Variants in CCDC144A observed in about 807,000 individuals in gnomAD.
CCDC144A encodes coiled-coil domain-containing protein 144A.
A neutral mutation model predicts 143.8 loss-of-function variants in CCDC144A; 41 were observed. That is an observed-to-expected ratio of 0.29 (90% CI 0.22 to 0.37). CCDC144A has a LOEUF of 0.37. Among genes scored for constraint, CCDC144A ranks in the 10% least tolerant of loss-of-function variants. The pLI is 1.00. For synonymous variants in CCDC144A, 242 were observed against 517.9 expected, an observed-to-expected ratio of 0.47 and a Z score of 7.23; for missense variants, 637 against 1,488.8, an observed-to-expected ratio of 0.43 and a Z score of 9.41.
At chr17:16,682,916 T>TTA in the CCDC144A span, among the ~76,000 whole-genome samples, 5 of 102,650 alleles carry the variant, frequency 4.9e-5, no homozygotes, top group Non-Finnish European at 9.4e-5. Flanking sequence ...TTTTTTTTTT[T>TTA]TTTGAGACAG....
the CCDC144A span, chr17:16,683,305 T>A: frequency 1.7e-6 from 1 of 579,878 alleles, no homozygotes; most frequent in Non-Finnish European, 3.0e-6. Flanking sequence ...ACAATTTTAT[T>A]TGTCATTTAA....
intron 12 of CCDC144A, among the ~76,000 whole-genome samples, chr17:16,755,286 T>A (rs1204200361): frequency 3.9e-5 from 6 of 152,264 alleles, no homozygotes; most frequent in Admixed American, 3.3e-4. Context: ...GTTTAGTGAT[T>A]GTTTTGTCTA....
At chr17:16,677,282 C>A in the CCDC144A span, among the ~76,000 whole-genome samples, 43 of 152,058 alleles carry the variant, frequency 2.8e-4, no homozygotes. Flanking sequence ...GTTCCATGAA[C>A]AAGTTATGCG....
chr17:16,724,475 A>C (rs1913275055), intron 8 of CCDC144A, among the ~76,000 whole-genome samples: 1 of 148,060 alleles, frequency 6.8e-6, no homozygotes, highest in Non-Finnish European at 1.5e-5. Context: ...CCGCCACTGC[A>C]CTCCAGCCTG....
intron 2 of CCDC144A, among the ~76,000 whole-genome samples, chr17:16,704,798 G>C (rs1360371452): frequency 1.3e-5 from 2 of 152,194 alleles, no homozygotes; most frequent in East Asian, 3.9e-4. Flanking sequence ...ATACAATGCT[G>C]TCATGTATAT....
At chr17:16,739,517 T>C (rs1417677374) in intron 12 of CCDC144A, among the ~76,000 whole-genome samples, 9 of 151,588 alleles carry the variant, frequency 5.9e-5, no homozygotes, top group Non-Finnish European at 1.2e-4. Context: ...TTTATGGCTA[T>C]GTTTTCTTCT....
chr17:16,701,112 C>T (rs1911708448), intron 2 of CCDC144A, among the ~76,000 whole-genome samples: 1 of 152,032 alleles, frequency 6.6e-6, no homozygotes, highest in Non-Finnish European at 1.5e-5. Context: ...TAGTGATTTG[C>T]AATTTTCAAG....
intron 15 of CCDC144A, among the ~76,000 whole-genome samples, chr17:16,771,241 G>T (rs1438074171): frequency 6.6e-6 from 1 of 152,154 alleles, no homozygotes; most frequent in African/African-American, 2.4e-5. Flanking sequence ...TTTCTGAAAA[G>T]AAATCAAAGT....
At chr17:16,667,937 G>A in the CCDC144A span, among the ~76,000 whole-genome samples, 3 of 148,202 alleles carry the variant, frequency 2.0e-5, no homozygotes, top group African/African-American at 7.5e-5. Context: ...TGCATTTTTG[G>A]TATCACTTCT....
chr17:16,683,516 CTA>C, the CCDC144A span: 1 of 1,523,476 alleles, frequency 6.6e-7, no homozygotes, highest in East Asian at 2.2e-5. Flanking sequence ...TCGGGATGTT[CTA>C]TGCCGTGAGG....
intron 12 of CCDC144A, among the ~76,000 whole-genome samples, chr17:16,757,893 G>GA (rs1915173418): frequency 6.6e-6 from 1 of 152,132 alleles, no homozygotes; most frequent in Admixed American, 6.5e-5. Flanking sequence ...GGATTTGGGG[G>GA]AATCGGTCCT....
chr17:16,769,747 T>G (rs866123778), intron 15 of CCDC144A, among the ~76,000 whole-genome samples: 3,416 of 151,972 alleles, frequency 0.022, 79 homozygotes, highest in African/African-American at 0.078. Flanking sequence ...TAACTTACAA[T>G]TTGGAGAGCT....
At chr17:16,749,158 T>G (rs1345939945) in intron 12 of CCDC144A, among the ~76,000 whole-genome samples, 11 of 152,140 alleles carry the variant, frequency 7.2e-5, no homozygotes, top group African/African-American at 7.2e-5. Flanking sequence ...TTGTTCTTGT[T>G]TTTTAGTTCC....
At chr17:16,670,776 C>T in the CCDC144A span, among the ~76,000 whole-genome samples, 41 of 151,784 alleles carry the variant, frequency 2.7e-4, 2 homozygotes, top group Admixed American at 7.2e-4. Context: ...CCAAAAGGGC[C>T]GGGATTAAAA....
chr17:16,684,323 A>G, the CCDC144A span: 1 of 722,198 alleles, frequency 1.4e-6, no homozygotes, highest in Non-Finnish European at 2.5e-6. Context: ...GTTTAATGAC[A>G]TAACAATTTC....
intron 12 of CCDC144A, among the ~76,000 whole-genome samples, chr17:16,753,428 G>GTTTTTTTTTTTTTTTT: frequency 1.2e-4 from 7 of 57,364 alleles, no homozygotes; most frequent in African/African-American, 2.1e-4. Flanking sequence ...GTGTTTTGTA[G>GTTTTTTTTTTTTTTTT]TTTTTTTTTT....
chr17:16,689,414 A>T (rs902248879), upstream of CCDC144A: 15 of 152,318 alleles, frequency 9.8e-5, no homozygotes, highest in African/African-American at 3.6e-4. Context: ...GGCTGGCCTC[A>T]AACTCCTGAC....
At chr17:16,722,881 G>T (rs1913174605) in intron 8 of CCDC144A, among the ~76,000 whole-genome samples, 1 of 152,154 alleles carries the variant, frequency 6.6e-6, no homozygotes, top group Admixed American at 6.5e-5. Flanking sequence ...TGTACCAGAA[G>T]TTGTTCACTC....
rs1449664390 is a variant in CCDC144A at position 16,746,861 on chromosome 17, T to G, written c.3372+11218T>G. 2.6e-5 allele frequency: 18 copies of G among 687,746 alleles called. No individual in the cohort carries two copies. The Admixed American group carries it at 4.3e-4, about 16-fold the overall frequency. The allele number at this position is 687,746 out of a possible 1,614,324, so 42.6% of individuals were successfully genotyped here. The stretch of plus-strand genomic sequence containing the variant: ...GGGAGGCCCGGCCCCCGCCCCTCCC[T>G]CCTCTCCCTTCTCTCCCTTCTCTCC... On this transcript the variant is annotated intron_variant, in intron 12 of 16. Coordinates refer to ENST00000399273, the MANE Select transcript of CCDC144A (RefSeq NM_001382000.1).
Sources: allele counts gnomAD v4.1 joint callset (sites outside exome capture counted in the v4.1 genomes callset), GRCh38; gene constraint gnomAD v4.1.1; transcripts MANE v1.5; gene names NCBI Gene and HGNC (gene_info 2026-07-23, HGNC 2026-07-21).